DISP3: variants seen among roughly 807,000 people sequenced by gnomAD.
The protein encoded by DISP3 is dispatched RND transporter family member 3, also known as protein dispatched homolog 3.
Under a neutral mutation model 135.3 loss-of-function variants are expected in DISP3, and 101 were observed. The observed-to-expected ratio is 0.75, with a 90% CI of 0.64 to 0.88. DISP3 has a LOEUF of 0.88. Ranked by LOEUF, DISP3 falls within the 40% of genes least tolerant of loss-of-function variation. The pLI is 0.00. For synonymous variants in DISP3, 856 were observed against 817.0 expected, an observed-to-expected ratio of 1.05 and a Z score of -0.81; for missense variants, 1,713 against 1,878.6, an observed-to-expected ratio of 0.91 and a Z score of 1.63.
At chr1:11,508,698 G>A (rs946024922) in intron 3 of DISP3, among the ~76,000 whole-genome samples, 4 of 152,102 alleles carry the variant, frequency 2.6e-5, no homozygotes, top group African/African-American at 9.7e-5. Context: ...TACATGAGAT[G>A]TTTCAATAGA....
intron 3 of DISP3, among the ~76,000 whole-genome samples, chr1:11,504,234 T>C (rs1466084482): frequency 6.6e-6 from 1 of 152,264 alleles, no homozygotes; most frequent in Non-Finnish European, 1.5e-5. Flanking sequence ...AGGTGAGTGC[T>C]GTTATGATTA....
At chr1:11,514,987 A>G (rs562775288) in intron 4 of DISP3, among the ~76,000 whole-genome samples, 2 of 152,288 alleles carry the variant, frequency 1.3e-5, no homozygotes, top group South Asian at 4.1e-4. Context: ...AGACAAGACA[A>G]TGGTAATACT....
Position 11,531,922 on chromosome 1 carries a change from C to T in DISP3, c.3375+212C>T, listed in dbSNP as rs527485078. 3.3e-5 allele frequency among the ~76,000 whole-genome samples: 5 copies of T among 152,324 alleles called. No individual in the cohort carries two copies. The highest frequency in any genetic ancestry group is 1.3e-4 in the Admixed American group (2 of 15,312). ...AGCTCTGCCCTTTCTTCCCCATGGG[C>T]GGCCTGCCAGTTCCCTTCCACCCAC... On this transcript the variant is annotated intron_variant, in intron 17 of 20. Transcript: ENST00000294484. This position sits in a 1 kb window ranked among gnomAD's most constrained non-coding sequence, Gnocchi z 5.2.
chr1:11,533,744 C>CGCACGCACACAA, intron 17 of DISP3: 4 of 716,996 alleles, frequency 5.6e-6, no homozygotes, highest in Non-Finnish European at 1.0e-5. Flanking sequence ...CATGCACACA[C>CGCACGCACACAA]ACACGCAGAC....
chr1:11,494,799 C>T (rs890788213), intron 1 of DISP3, among the ~76,000 whole-genome samples: 1 of 152,190 alleles, frequency 6.6e-6, no homozygotes, highest in African/African-American at 2.4e-5. Context: ...AGTCAAATCT[C>T]CATGTCTAAT....
intron 1 of DISP3, among the ~76,000 whole-genome samples, chr1:11,495,413 C>G (rs765529535): frequency 2.0e-5 from 3 of 152,030 alleles, no homozygotes; most frequent in Non-Finnish European, 4.4e-5. Flanking sequence ...AAAACAAAAA[C>G]AAAAATAGCT....
intron 3 of DISP3, among the ~76,000 whole-genome samples, chr1:11,503,230 C>T (rs1641603315): frequency 6.6e-6 from 1 of 152,124 alleles, no homozygotes; most frequent in Admixed American, 6.5e-5. Context: ...AGGAGTTCCT[C>T]ACTGTATTAG....
rs1641947663 is a variant in DISP3 at position 11,514,518 on chromosome 1, C to G, written c.1445C>G (p.Ser482Cys). The change falls in exon 4 of 21, where the codon TCC becomes TGC. Residue 482 changes from serine (S) to cysteine (C), a missense_variant. Transcript: ENST00000294484. ...CIAALVYILT[S>C]CSVFLSFFGI... ...GCTGCCCTGGTCTACATCCTCACCT[C>G]CTGCTCAGGTAGGGCTTCTCTCAAG... 1 of 1,613,868 alleles carries G rather than the reference C, an allele frequency of 6.2e-7. No homozygotes were observed. Among genetic ancestry groups the G allele is most frequent in the African/African-American group, 1.3e-5 (1 of 75,070 alleles).
At chr1:11,533,728 G>GACGCGCATGCAC in intron 17 of DISP3, 1 of 66,964 alleles carries the variant, frequency 1.5e-5, no homozygotes, top group Admixed American at 2.1e-4. Context: ...CCAGCACTCA[G>GACGCGCATGCAC]ACACGCATGC....
intron 19 of DISP3, among the ~76,000 whole-genome samples, 166 bp downstream of exon 19, chr1:11,535,290 G>A (rs981485861): frequency 2.0e-5 from 3 of 152,266 alleles, no homozygotes; most frequent in South Asian, 2.1e-4. Context: ...GAGCAGAGCC[G>A]GGGTACCCAG....
intron 3 of DISP3, among the ~76,000 whole-genome samples, chr1:11,505,537 G>A (rs1198871521): frequency 1.3e-5 from 2 of 152,218 alleles, no homozygotes; most frequent in Admixed American, 1.3e-4. Context: ...CGTCACAGCA[G>A]TGGTGACAAT....
chr1:11,522,290 C>T (rs767785205), intron 10 of DISP3, among the ~76,000 whole-genome samples: 87 of 152,174 alleles, frequency 5.7e-4, no homozygotes, highest in African/African-American at 2.1e-3. Flanking sequence ...TTAATTAGGG[C>T]GGTGCTGAGA....
chr1:11,532,740 C>T (rs1012113265), intron 17 of DISP3, among the ~76,000 whole-genome samples: 2 of 152,208 alleles, frequency 1.3e-5, no homozygotes, highest in African/African-American at 4.8e-5. Flanking sequence ...CTCTGTCCCC[C>T]AGGCTGGAGT....
At chr1:11,481,086 C>T (rs1046100039) in intron 1 of DISP3, among the ~76,000 whole-genome samples, 12 of 151,930 alleles carry the variant, frequency 7.9e-5, no homozygotes, top group Middle Eastern at 6.8e-3. Context: ...CACACACACA[C>T]GCACATGCAC....
chr1:11,531,726 C>T lies in DISP3; in HGVS notation c.3375+16C>T. Reference sequence around the variant, plus strand: ...TTTCGAGTCGGTGAGCCCAGGCAGCCTCACTGGGTGCCATGCTGCGTACTT... The same window carrying T: ...TTTCGAGTCGGTGAGCCCAGGCAGCTTCACTGGGTGCCATGCTGCGTACTT... On this transcript the variant is annotated intron_variant, in intron 17 of 20. Transcript: ENST00000294484. This position sits in a 1 kb window ranked among gnomAD's most constrained non-coding sequence, Gnocchi z 5.2. The T allele has an allele frequency of 6.3e-7, 1 of 1,583,860 alleles. No individual in the cohort carries two copies. The highest frequency in any genetic ancestry group is 8.6e-7 in the Non-Finnish European group (1 of 1,164,352).
intron 1 of DISP3, among the ~76,000 whole-genome samples, chr1:11,498,449 C>T (rs1179191701): frequency 6.6e-6 from 1 of 152,202 alleles, no homozygotes; most frequent in African/African-American, 2.4e-5. Flanking sequence ...ATTCTCGTAA[C>T]ACAGTGGCTG....
intron 13 of DISP3, among the ~76,000 whole-genome samples, chr1:11,527,496 C>T (rs1348492120): frequency 1.3e-5 from 2 of 150,946 alleles, no homozygotes; most frequent in East Asian, 2.0e-4. Context: ...TGCAGTGAGC[C>T]GAGATCGCGC....
chr1:11,524,762 C>T (rs1642360013), intron 11 of DISP3, among the ~76,000 whole-genome samples: 1 of 127,522 alleles, frequency 7.8e-6, no homozygotes, highest in Admixed American at 7.7e-5. Flanking sequence ...CCCTGCCACC[C>T]CATCCCTGTG....
intron 10 of DISP3, among the ~76,000 whole-genome samples, chr1:11,522,878 C>CAGGGCCCAGCG (rs1557615645): frequency 8.3e-6 from 1 of 121,082 alleles, no homozygotes; most frequent in African/African-American, 3.2e-5. Context: ...AGAGCCCAGC[C>CAGGGCCCAGCG]AGAGCCCAGC....
Sources: gnomAD v4.1 joint callset for allele counts (sites outside exome capture counted in the v4.1 genomes callset) on GRCh38, gnomAD v4.1.1 for gene constraint, Gnocchi (gnomAD v3.1) non-coding constraint, MANE v1.5 for transcripts, NCBI Gene and HGNC (gene_info 2026-07-23, HGNC 2026-07-21) for gene names.